Variants in BRCA1 observed in about 807,000 individuals in gnomAD.
BRCA1 encodes BRCA1 DNA repair associated, also known as breast cancer type 1 susceptibility protein.
BRCA1 carries 140 observed loss-of-function variants against 173.7 expected under a neutral mutation model. The ratio of observed to expected loss-of-function variants is 0.81; its 90% CI spans 0.70 to 0.93. BRCA1 has a LOEUF of 0.93. Ranked by LOEUF, BRCA1 falls within the 40% of genes least tolerant of loss-of-function variation. The probability of loss-of-function intolerance (pLI) is 0.00; values close to 1 mark genes in which losing one functional copy is unlikely to be tolerated. For synonymous variants in BRCA1, 662 were observed against 756.0 expected (o/e 0.88, Z 2.04); for missense variants, 1,983 against 2,172.5 (o/e 0.91, Z 1.73).
rs869312512 is a variant in BRCA1, at chr17:43,119,912, T to G, written c.80+4105A>C. Among the ~76,000 whole-genome samples the G allele has an allele frequency of 3.3e-5, 5 of 152,154 alleles. No individual in the cohort carries two copies. Among genetic ancestry groups the G allele is most frequent in the Admixed American group, 2.0e-4 (3 of 15,270 alleles). Reference sequence around the variant, plus strand: ...ATGAAAACTCCGATATGTAAAAAGGTAATGAATGTTGAAGGAAGACTGTGA... The same window carrying G: ...ATGAAAACTCCGATATGTAAAAAGGGAATGAATGTTGAAGGAAGACTGTGA... On this transcript the variant is annotated intron_variant, in intron 2 of 22. Transcript: ENST00000357654.
At chr17:43,129,500 C>T (rs540365185), upstream of BRCA1, among the ~76,000 whole-genome samples, 12 of 152,054 alleles carry the variant, frequency 7.9e-5, no homozygotes, top group South Asian at 2.1e-3. Flanking sequence ...GACTGAGTCT[C>T]GCTCTGTCGC....
At chr17:43,121,230 C>T (rs1380401697) in intron 2 of BRCA1, among the ~76,000 whole-genome samples, 3 of 151,612 alleles carry the variant, frequency 2.0e-5, no homozygotes, top group African/African-American at 7.3e-5. Flanking sequence ...AAAAAATTAG[C>T]CGGGCATAGT....
intron 22 of BRCA1, among the ~76,000 whole-genome samples, chr17:43,046,016 G>A (rs1330639539): frequency 1.3e-5 from 2 of 151,474 alleles, no homozygotes; most frequent in African/African-American, 2.4e-5. Context: ...CCGCCTCCTG[G>A]GTTCAAGCAA....
upstream of BRCA1, among the ~76,000 whole-genome samples, chr17:43,129,940 C>G (rs993067542): frequency 1.3e-5 from 2 of 152,114 alleles, no homozygotes; most frequent in African/African-American, 4.8e-5. Flanking sequence ...TGAATGAATA[C>G]TTGACGTCAG....
chr17:43,165,569 A>G (rs2056261236), intron 1 of BRCA1, among the ~76,000 whole-genome samples: 2 of 151,382 alleles, frequency 1.3e-5, no homozygotes, highest in South Asian at 4.2e-4. Flanking sequence ...TTTTTATAAC[A>G]TTTTTCTCTT....
intron 21 of BRCA1, among the ~76,000 whole-genome samples, chr17:43,048,177 G>A (rs986098880): frequency 6.6e-6 from 1 of 151,970 alleles, no homozygotes; most frequent in Admixed American, 6.6e-5. Context: ...TACAGGGGTG[G>A]GGCACTGGCC....
chr17:43,061,804 C>T (rs796285317), intron 18 of BRCA1, among the ~76,000 whole-genome samples: 7 of 151,984 alleles, frequency 4.6e-5, no homozygotes, highest in South Asian at 2.1e-4. Flanking sequence ...AGGCTGGTCT[C>T]GAACTCCTGA....
At chr17:43,113,474 C>A (rs1200147131) in intron 3 of BRCA1, among the ~76,000 whole-genome samples, 1 of 152,042 alleles carries the variant, frequency 6.6e-6, no homozygotes, top group Admixed American at 6.6e-5. Context: ...TCAAGTGATA[C>A]CCCTGCCGCA....
chr17:43,092,529 T>C lies in BRCA1; in HGVS notation c.3002A>G (p.Glu1001Gly). The C allele has an allele frequency of 6.2e-7, 1 of 1,613,998 alleles. No homozygotes were observed. Among genetic ancestry groups the C allele is most frequent in the Non-Finnish European group, 8.5e-7 (1 of 1,179,878 alleles). ...TGACATTGAATGTTCCTCAAAGTTT[T>C]CCTCTAGCAGATTTTTCTTACATTT... is the stretch of plus-strand genomic sequence containing the variant. The part of the protein sequence containing the change: ...KTKCKKNLLE[E>G]NFEEHSMSPE... The change falls in exon 10 of 23, where the codon GAA becomes GGA. Residue 1001 changes from glutamate (E) to glycine (G), a missense_variant. Physicochemically the swap from Glu to Gly is moderately conservative, Grantham distance 98. Coordinates refer to ENST00000357654, the MANE Select transcript of BRCA1 (RefSeq NM_007294.4).
At chr17:43,090,202 A>G (rs1306195850) in intron 11 of BRCA1, among the ~76,000 whole-genome samples, 2 of 152,234 alleles carry the variant, frequency 1.3e-5, no homozygotes, top group East Asian at 3.9e-4. Context: ...AGAGTTCTGT[A>G]CCTGGCTGTG....
chr17:43,087,466 C>T (rs2053271173), intron 11 of BRCA1, among the ~76,000 whole-genome samples: 1 of 151,976 alleles, frequency 6.6e-6, no homozygotes, highest in Non-Finnish European at 1.5e-5. Context: ...AGTTTGAGAC[C>T]AGCCTGGTCA....
Position 43,057,149 on chromosome 17 carries a change from A to T in BRCA1, c.5194-14T>A, listed in dbSNP as rs1567764689. ...TTCAAAATCATGCTGAAAGAAACCAAACACAACCCATCAGGATAAGAGAAA... is the reference window on the plus strand; with the variant it reads ...TTCAAAATCATGCTGAAAGAAACCATACACAACCCATCAGGATAAGAGAAA... On this transcript the variant is annotated splice_polypyrimidine_tract_variant and intron_variant, in intron 18 of 22. Transcript: ENST00000357654. The T allele has an allele frequency of 6.2e-7, 1 of 1,611,938 alleles. No individual in the cohort carries two copies. Among genetic ancestry groups the T allele is most frequent in the African/African-American group, 1.3e-5 (1 of 74,984 alleles).
upstream of BRCA1, among the ~76,000 whole-genome samples, chr17:43,126,684 C>T (rs1274291454): frequency 6.6e-6 from 1 of 152,188 alleles, no homozygotes; most frequent in African/African-American, 2.4e-5. Flanking sequence ...TGACAACGTG[C>T]TAGCAGCCCT....
At chr17:43,106,758 C>T (rs1597900977) in intron 3 of BRCA1, among the ~76,000 whole-genome samples, 1 of 152,194 alleles carries the variant, frequency 6.6e-6, no homozygotes, top group African/African-American at 2.4e-5. Context: ...ACTGAACTTA[C>T]ATGCATATGG....
intron 2 of BRCA1, among the ~76,000 whole-genome samples, chr17:43,117,706 T>A (rs1298360552): frequency 3.3e-5 from 5 of 152,112 alleles, no homozygotes; most frequent in African/African-American, 7.2e-5. Flanking sequence ...GCCACTGTAC[T>A]CCAACCTGGG....
Position 43,045,842 on chromosome 17 carries a change from A to G in BRCA1, c.5468-40T>C, listed in dbSNP as rs80358151. The G allele has an allele frequency of 2.5e-6, 4 of 1,609,490 alleles. No individual in the cohort carries two copies. In the South Asian group the frequency reaches 4.4e-5, roughly 18 times the overall value. On this transcript the variant is annotated intron_variant, in intron 22 of 22. Transcript: ENST00000357654. ...CACAAGCAGAGATTAGTGTCAATTC[A>G]TTCTCCTGGACTAGGCTCTAATCAA...
chr17:43,126,637 C>G (rs2055883732), upstream of BRCA1, among the ~76,000 whole-genome samples: 1 of 152,208 alleles, frequency 6.6e-6, no homozygotes. Flanking sequence ...GCGAAAAGCG[C>G]CGGAGAGTTG....
At chr17:43,115,695 T>C (rs1567817757) in intron 3 of BRCA1, 31 bp downstream of exon 3, 4 of 1,604,522 alleles carry the variant, frequency 2.5e-6, no homozygotes, top group Non-Finnish European at 3.4e-6. Context: ...CAAAAGCTAA[T>C]AATGGAGCCA....
rs786201893 is a variant in BRCA1, at chr17:43,091,715, G to T, written c.3816C>A (p.Asn1272Lys). 1.2e-6 allele frequency: 2 copies of T among 1,614,162 alleles called. No individual in the cohort carries two copies. The highest frequency in any genetic ancestry group is 1.7e-6 in the Non-Finnish European group (2 of 1,180,020). ...GAGATGCCTTTGCCAATATTACCTGGTTACTGCAGTCATTTAAGCTATTCT... is the reference window on the plus strand; with the variant it reads ...GAGATGCCTTTGCCAATATTACCTGTTTACTGCAGTCATTTAAGCTATTCT... Reference protein sequence around the residue: ...SLKNSLNDCSNQVILAKASQE... With the variant: ...SLKNSLNDCSKQVILAKASQE... Residue 1272 changes from asparagine to lysine, a missense_variant, in exon 10 of 23, where the codon AAC becomes AAA. Asn to Lys is a moderately conservative substitution (Grantham distance 94). Coordinates refer to ENST00000357654, the MANE Select transcript of BRCA1 (RefSeq NM_007294.4).
Sources: gnomAD v4.1 joint callset for allele counts (sites outside exome capture counted in the v4.1 genomes callset) on GRCh38, gnomAD v4.1.1 for gene constraint, MANE v1.5 for transcripts, NCBI Gene and HGNC (gene_info 2026-07-23, HGNC 2026-07-21) for gene names.